The following TATDN3 variants were observed in gnomAD, a reference collection of about 807,000 sequenced individuals.
The protein encoded by TATDN3 is TatD DNase domain containing 3, also known as deoxyribonuclease TATDN3.
In TATDN3, 29 loss-of-function variants were observed where a neutral mutation model predicts 40.1. That is an observed-to-expected ratio of 0.72 (90% CI 0.54 to 0.99). The LOEUF is 0.99. TATDN3 is among the 50% of genes least tolerant of loss of function. The pLI, the probability that TATDN3 is intolerant of heterozygous loss-of-function variation, is 0.00. For synonymous variants in TATDN3, 105 were observed against 117.0 expected, an observed-to-expected ratio of 0.90 and a Z score of 0.66; for missense variants, 309 against 321.9, an observed-to-expected ratio of 0.96 and a Z score of 0.31.
chr1:212,806,558 G>A (rs944688612), intron 7 of TATDN3, among the ~76,000 whole-genome samples: 9 of 149,328 alleles, frequency 6.0e-5, no homozygotes, highest in African/African-American at 1.5e-4. Context: ...TGTATTTTTC[G>A]TAGAAACTGG....
chr1:212,796,703 T>A, intron 3 of TATDN3, 113 bp downstream of exon 3: 1 of 730,996 alleles, frequency 1.4e-6, no homozygotes, highest in Non-Finnish European at 2.2e-6. Context: ...AAAAGCATTT[T>A]AACATAGCCC....
chr1:212,803,834 G>A (rs139249942), intron 5 of TATDN3, among the ~76,000 whole-genome samples: 2,242 of 152,028 alleles, frequency 0.015, 56 homozygotes, highest in African/African-American at 0.052. Flanking sequence ...TCAGGAATTT[G>A]AGACCAGCCT....
chr1:212,811,465 T>C (rs7554105), intron 8 of TATDN3, among the ~76,000 whole-genome samples: 65,668 of 151,574 alleles, frequency 0.43, 15,089 homozygotes, highest in Non-Finnish European at 0.51. Flanking sequence ...GGTTTTATCA[T>C]GTTGCCCAGG....
At position 212,791,905 on chromosome 1, in the gene TATDN3, G is replaced by T; in HGVS notation, c.-17G>T. ...CGGCTCTGCTGGCCGGTCTAAAGCG[G>T]CAGCCGCCGGGGCGCAATGCGAGCG... On this transcript the variant is annotated 5_prime_UTR_variant, in exon 1 of 10. Coordinates refer to ENST00000366974, the MANE Select transcript of TATDN3 (RefSeq NM_001042552.3). 6.2e-7 allele frequency: 1 copy of T among 1,612,742 alleles called. No individual in the cohort carries two copies. Among genetic ancestry groups the T allele is most frequent in the South Asian group, 1.1e-5 (1 of 90,966 alleles).
At chr1:212,801,953 T>C (rs1414687250) in intron 4 of TATDN3, among the ~76,000 whole-genome samples, 2 of 152,218 alleles carry the variant, frequency 1.3e-5, no homozygotes, top group Non-Finnish European at 2.9e-5. Context: ...TTCTTAATTC[T>C]CTCTTGTTCT....
At chr1:212,808,425 GAAAA>G (rs1662674197) in intron 8 of TATDN3, among the ~76,000 whole-genome samples, 1 of 150,908 alleles carries the variant, frequency 6.6e-6, no homozygotes, top group Admixed American at 6.6e-5. Context: ...AGCAACCAAA[GAAAA>G]AAACAAATTT....
chr1:212,806,777 T>TACAC (rs1662518240), intron 7 of TATDN3, among the ~76,000 whole-genome samples: 1 of 103,524 alleles, frequency 9.7e-6, no homozygotes, highest in Admixed American at 1.2e-4. Context: ...TATATATATA[T>TACAC]ATATATACAC....
intron 8 of TATDN3, among the ~76,000 whole-genome samples, chr1:212,810,373 A>G (rs12758771): frequency 4.0e-5 from 6 of 151,244 alleles, no homozygotes; most frequent in African/African-American, 1.5e-4. Flanking sequence ...TTAGCCGGGC[A>G]TGGTGGTGGG....
intron 5 of TATDN3, 111 bp from the exon 6 acceptor site, chr1:212,804,209 C>T: frequency 1.6e-6 from 1 of 643,700 alleles, no homozygotes; most frequent in Non-Finnish European, 2.6e-6. Flanking sequence ...TTTTATGTGG[C>T]TTGCTTTTGT....
intron 7 of TATDN3, among the ~76,000 whole-genome samples, chr1:212,806,747 C>CCATATATATATATATAT (rs1558083475): frequency 2.3e-5 from 1 of 43,988 alleles, no homozygotes; most frequent in Non-Finnish European, 4.4e-5. Context: ...TCTCTCTCTC[C>CCATATATATATATATAT]ATATATATAT....
In TATDN3 at chr1:212,815,871, G is replaced by T. The variant is rs1663155460; in HGVS notation, c.*715G>T. ...TTTCTTCCCATAGGAGTTAGCCAGT[G>T]AAGGGAGAATGTCTGGTTTTCTATG... On this transcript the variant is annotated 3_prime_UTR_variant, in exon 10 of 10. Coordinates refer to ENST00000366974, the MANE Select transcript of TATDN3 (RefSeq NM_001042552.3). The T allele has an allele frequency of 1.3e-5, 2 of 152,216 alleles. No homozygotes were observed. Among genetic ancestry groups the T allele is most frequent in the Admixed American group, 1.3e-4 (2 of 15,264 alleles). The allele number at this position is 152,216 out of a possible 1,614,324, so 9.4% of individuals were successfully genotyped here. A position where few individuals can be genotyped will look rare whatever the true frequency, so the allele number is the denominator to read the frequency against.
intron 1 of TATDN3, among the ~76,000 whole-genome samples, chr1:212,794,460 G>A (rs760159668): frequency 5.3e-4 from 81 of 151,758 alleles, no homozygotes; most frequent in Middle Eastern, 3.4e-3. Context: ...GTGTGGTGGC[G>A]GTCACCTGTA....
chr1:212,807,106 G>A lies in TATDN3; in HGVS notation c.488-630G>A, dbSNP rs564953674. 3.4e-4 allele frequency among the ~76,000 whole-genome samples: 51 copies of A among 151,452 alleles called. No homozygotes were observed. In the South Asian group the frequency reaches 0.01, roughly 30 times the overall value. On this transcript the variant is annotated intron_variant, in intron 7 of 9. Transcript: ENST00000366974. ...TTACAGGTGCCTGCCACTACGCCCAGCTAATTTTTTTGTATTTTTAGTAGA... is the reference window on the plus strand; with the variant it reads ...TTACAGGTGCCTGCCACTACGCCCAACTAATTTTTTTGTATTTTTAGTAGA...
Position 212,815,247 on chromosome 1 carries a change from A to G in TATDN3, c.*91A>G. 1 of 1,433,596 alleles carries G rather than the reference A, an allele frequency of 7.0e-7. No homozygotes were observed. The highest frequency in any genetic ancestry group is 9.3e-7 in the Non-Finnish European group (1 of 1,070,642). 88.8% of individuals were successfully genotyped at this position (1,433,596 alleles called of 1,614,324 possible). A position where few individuals can be genotyped will look rare whatever the true frequency, so the allele number is the denominator to read the frequency against. ...TCTGATGAAGAATCTGAACTGAAGA[A>G]GCTGTTTTATAGGGTTATAGAAGAT... On this transcript the variant is annotated 3_prime_UTR_variant, in exon 10 of 10. Transcript: ENST00000366974.
Position 212,795,696 on chromosome 1 carries a change from C to T in TATDN3, c.99+569C>T, listed in dbSNP as rs558616003. ...CCAAAATGCTGGGATTATAGGCATG[C>T]GGCACTGCTCCCAGCCTAAGTAGCA... On this transcript the variant is annotated intron_variant, in intron 2 of 9. Transcript: ENST00000366974. 2.9e-3 allele frequency among the ~76,000 whole-genome samples: 445 copies of T among 152,310 alleles called. 1 individual carries two copies. The highest frequency in any genetic ancestry group is 5.0e-3 in the Non-Finnish European group (340 of 68,030).
At chr1:212,796,482 A>G in intron 2 of TATDN3, 35 bp from the exon 3 acceptor site, 2 of 1,435,198 alleles carry the variant, frequency 1.4e-6, no homozygotes, top group Non-Finnish European at 1.8e-6. Flanking sequence ...TTAAATGTAT[A>G]TTGTTTGTAA....
At chr1:212,795,070 TG>T (rs771528810) in intron 1 of TATDN3, 24 bp from the exon 2 acceptor site, 87 of 1,598,766 alleles carry the variant, frequency 5.4e-5, no homozygotes, top group Non-Finnish European at 7.4e-5. Flanking sequence ...TCTAAAATAA[TG>T]GTGATTTCTT....
intron 7 of TATDN3, among the ~76,000 whole-genome samples, chr1:212,805,208 C>T (rs1662383860): frequency 6.6e-6 from 1 of 151,558 alleles, no homozygotes. Flanking sequence ...GTGATCCACC[C>T]GCCTCAGCCT....
At chr1:212,798,867 A>G (rs1661992650) in intron 4 of TATDN3, among the ~76,000 whole-genome samples, 1 of 152,236 alleles carries the variant, frequency 6.6e-6, no homozygotes, top group Non-Finnish European at 1.5e-5. Flanking sequence ...GTCAACAATT[A>G]CATGAGCAGG....
Sources: gnomAD v4.1 joint callset for allele counts (sites outside exome capture counted in the v4.1 genomes callset) on GRCh38, gnomAD v4.1.1 for gene constraint, MANE v1.5 for transcripts, NCBI Gene and HGNC (gene_info 2026-07-23, HGNC 2026-07-21) for gene names.